SDK1: variants seen among roughly 807,000 people sequenced by gnomAD.
SDK1 encodes the protein protein sidekick-1.
A neutral mutation model predicts 245.5 loss-of-function variants in SDK1; 157 were observed. That is an observed-to-expected ratio of 0.64 (90% CI 0.56 to 0.73). The LOEUF is 0.73. SDK1 is among the 30% of genes least tolerant of loss of function. The pLI is 0.00. For synonymous variants in SDK1, 1,647 were observed against 1,278.5 expected (o/e 1.29, Z -6.15); for missense variants, 3,583 against 3,002.3 (o/e 1.19, Z -4.52).
At chr7:3,742,243 G>C (rs900424447) in intron 4 of SDK1, among the ~76,000 whole-genome samples, 2 of 151,502 alleles carry the variant, frequency 1.3e-5, no homozygotes, top group Non-Finnish European at 2.9e-5. Context: ...TAAGAGATCA[G>C]ATTATGTTAC....
At chr7:3,762,734 A>C (rs1391529668) in intron 4 of SDK1, among the ~76,000 whole-genome samples, 1 of 152,238 alleles carries the variant, frequency 6.6e-6, no homozygotes, top group African/African-American at 2.4e-5. Flanking sequence ...TGTTTTAATT[A>C]GATGAAGACC....
intron 1 of SDK1, among the ~76,000 whole-genome samples, chr7:3,603,569 G>A (rs529052827): frequency 1.3e-5 from 2 of 152,030 alleles, no homozygotes; most frequent in African/African-American, 2.4e-5. Flanking sequence ...TTATCAGCTT[G>A]AGGAGATTTT....
chr7:3,950,919 A>C lies in SDK1; in HGVS notation c.848-4A>C. The C allele has an allele frequency of 1.2e-6, 2 of 1,611,024 alleles. No homozygotes were observed. Among genetic ancestry groups the C allele is most frequent in the Non-Finnish European group, 1.7e-6 (2 of 1,177,456 alleles). On this transcript the variant is annotated splice_region_variant and splice_polypyrimidine_tract_variant and intron_variant, in intron 5 of 44. Transcript: ENST00000404826. ...CATGGACATTTCTCTTTTCTCTGCC[A>C]CAGGAGATGTTGGCACACCTGAAAC...
intron 1 of SDK1, among the ~76,000 whole-genome samples, chr7:3,448,612 A>G (rs1031533108): frequency 3.3e-5 from 5 of 152,104 alleles, no homozygotes; most frequent in Admixed American, 2.6e-4. Context: ...CTTTTAATTC[A>G]TCTGGATTTT....
intron 4 of SDK1, among the ~76,000 whole-genome samples, chr7:3,713,039 A>C (rs564165023): frequency 6.6e-6 from 1 of 152,236 alleles, no homozygotes; most frequent in Non-Finnish European, 1.5e-5. Context: ...AGGCGTGCCC[A>C]TGTGGCTGGG....
rs571532758 is a variant in SDK1, at chr7:3,992,277, G to A, written c.2131+4955G>A. On this transcript the variant is annotated intron_variant, in intron 14 of 44. Transcript: ENST00000404826. ...TTGAACTGAGCCTGCACCCATGTAC[G>A]GGACTCAAGGTGCATCTCTGGATGG... Among the ~76,000 whole-genome samples the A allele has an allele frequency of 9.8e-5, 15 of 152,306 alleles. No individual in the cohort carries two copies. In the East Asian group the frequency reaches 1.4e-3, roughly 14 times the overall value.
chr7:3,595,365 T>A lies in SDK1; in HGVS notation c.299-23715T>A, dbSNP rs1781019890. ...TATTAAATGTCCCCTGCATGAAATA[T>A]ATATTAATAGCTACTGCATGGATTA... On this transcript the variant is annotated intron_variant, in intron 1 of 44. Transcript: ENST00000404826. Among the ~76,000 whole-genome samples the A allele has an allele frequency of 3.9e-5, 6 of 152,248 alleles. No homozygotes were observed. In the South Asian group the frequency reaches 1.2e-3, roughly 32 times the overall value.
At chr7:3,665,694 C>T (rs529066123) in intron 4 of SDK1, among the ~76,000 whole-genome samples, 1 of 152,222 alleles carries the variant, frequency 6.6e-6, no homozygotes, top group Admixed American at 6.5e-5. Context: ...CATGTCGTGC[C>T]ATTCATTGAG....
chr7:3,434,742 C>T (rs1188558402), intron 1 of SDK1, among the ~76,000 whole-genome samples: 2 of 152,102 alleles, frequency 1.3e-5, no homozygotes, highest in African/African-American at 4.8e-5. Flanking sequence ...CATCATTAAC[C>T]CAGGCCTATC....
chr7:3,469,545 C>G (rs1446697964), intron 1 of SDK1, among the ~76,000 whole-genome samples: 1 of 152,160 alleles, frequency 6.6e-6, no homozygotes, highest in Non-Finnish European at 1.5e-5. Flanking sequence ...TAAATTGTGA[C>G]TTAGTTTTCC....
intron 4 of SDK1, among the ~76,000 whole-genome samples, chr7:3,787,549 T>A (rs76934676): frequency 1.3e-5 from 2 of 151,746 alleles, no homozygotes; most frequent in South Asian, 4.1e-4. Flanking sequence ...AAAAAAAAAA[T>A]CCCTTCTCCT....
At chr7:4,153,517 C>T (rs1039930170) in intron 30 of SDK1, among the ~76,000 whole-genome samples, 44 of 152,136 alleles carry the variant, frequency 2.9e-4, no homozygotes, top group Admixed American at 2.9e-3. Flanking sequence ...ACCTGAGCGG[C>T]GGAGATTGCA....
chr7:4,152,946 C>G lies in SDK1; in HGVS notation c.4625+3483C>G, dbSNP rs191879450. On this transcript the variant is annotated intron_variant, in intron 30 of 44. Transcript: ENST00000404826. ...CTGGTTGGTGGTTGAAGTTGTGAGA[C>G]GGGGTAGCCACCCACAGAAATGCAG... Among the ~76,000 whole-genome samples the G allele has an allele frequency of 2.5e-3, 379 of 152,246 alleles. 16 individuals are homozygous for G. The South Asian group carries it at 0.073, about 29-fold the overall frequency.
chr7:4,198,669 T>A (rs1445948192), intron 35 of SDK1, among the ~76,000 whole-genome samples: 3 of 152,190 alleles, frequency 2.0e-5, no homozygotes, highest in Non-Finnish European at 2.9e-5. Context: ...TCTGGGCCTT[T>A]ACCTAAAGTT....
intron 4 of SDK1, among the ~76,000 whole-genome samples, chr7:3,655,461 A>G (rs1209173572): frequency 6.1e-5 from 1 of 16,508 alleles, no homozygotes; most frequent in African/African-American, 1.3e-4. Context: ...ATATATATAT[A>G]TATATATATA....
Position 4,079,499 on chromosome 7 carries a change from A to G in SDK1, c.3239A>G (p.Asn1080Ser), listed in dbSNP as rs1363562992. The G allele has an allele frequency of 1.9e-6, 3 of 1,614,092 alleles. No individual in the cohort carries two copies. Among genetic ancestry groups the G allele is most frequent in the African/African-American group, 1.3e-5 (1 of 75,008 alleles). Residue 1080 changes from asparagine to serine, a missense_variant, in exon 22 of 45, where the codon AAC (asparagine) becomes AGC (serine). Coordinates refer to ENST00000404826, the MANE Select transcript of SDK1 (RefSeq NM_152744.4). ...GCCCCATCCAACCTGGTCATTTCCA[A>G]CATCAGCCCTCGCTCCGCCACCCTT... is the stretch of plus-strand genomic sequence containing the variant. The part of the protein sequence containing the change: ...PGAPSNLVIS[N>S]ISPRSATLQF...
At chr7:3,656,084 C>T (rs1002599189) in intron 4 of SDK1, among the ~76,000 whole-genome samples, 3 of 152,194 alleles carry the variant, frequency 2.0e-5, no homozygotes, top group Admixed American at 1.3e-4. Context: ...TTAGTATTCA[C>T]AGCCAGCTGT....
intron 4 of SDK1, among the ~76,000 whole-genome samples, chr7:3,770,653 T>C (rs2190250): frequency 0.012 from 1,841 of 152,130 alleles, 37 homozygotes; most frequent in African/African-American, 0.042. Flanking sequence ...CCAGCTGCCT[T>C]GTGTGTGTTG....
intron 5 of SDK1, among the ~76,000 whole-genome samples, chr7:3,932,873 C>T (rs561722152): frequency 8.5e-5 from 13 of 152,288 alleles, no homozygotes; most frequent in African/African-American, 2.9e-4. Context: ...ACACCCACCT[C>T]TGTCTCACCT....
Sources: allele counts gnomAD v4.1 joint callset (sites outside exome capture counted in the v4.1 genomes callset), GRCh38; gene constraint gnomAD v4.1.1; transcripts MANE v1.5; gene names NCBI Gene and HGNC (gene_info 2026-07-23, HGNC 2026-07-21).